The following NUP210 variants were observed in gnomAD, a reference collection of about 807,000 sequenced individuals.
NUP210 encodes the protein nucleoporin 210, also known as nuclear pore membrane glycoprotein 210.
A neutral mutation model predicts 196.0 loss-of-function variants in NUP210; 151 were observed. The ratio of observed to expected loss-of-function variants is 0.77; its 90% confidence interval spans 0.67 to 0.88. The LOEUF (loss-of-function observed/expected upper bound fraction) is 0.88, where lower values mean the gene tolerates loss of function less well. Ranked by LOEUF, NUP210 falls within the 40% of genes least tolerant of loss-of-function variation. NUP210 has a pLI of 0.00. For missense variants in NUP210, 2,314 were observed against 2,493.7 expected (o/e 0.93, Z 1.53); for synonymous variants, 1,070 against 1,052.7 (o/e 1.02, Z -0.32).
chr3:13,318,753 C>T lies in NUP210; in HGVS notation c.5563+319G>A, dbSNP rs573113421. On this transcript the variant is annotated intron_variant, in intron 39 of 39. Transcript: ENST00000254508. ...CCCATCTGTGAGTCAGCTCGTCCAA[C>T]CCCAGCTTAGAGCCTTCTGAGGCAG... Among the ~76,000 whole-genome samples, 4 of 152,334 alleles carry T rather than the reference C, an allele frequency of 2.6e-5. No homozygotes were observed. In the East Asian group the frequency reaches 5.8e-4, roughly 22 times the overall value.
chr3:13,332,195 C>A (rs1463950405), intron 29 of NUP210, 98 bp downstream of exon 29: 1 of 981,712 alleles, frequency 1.0e-6, no homozygotes, highest in Non-Finnish European at 1.6e-6. Context: ...GAAAACCTCC[C>A]TGAAAGTACC....
intron 20 of NUP210, 29 bp from the exon 21 acceptor site, chr3:13,343,332 T>TGGGGGGGGGG: frequency 9.3e-6 from 2 of 214,662 alleles, no homozygotes; most frequent in Non-Finnish European, 1.8e-5. Context: ...GGTGGAGGGG[T>TGGGGGGGGGG]GGGTGGTGGG....
intron 1 of NUP210, among the ~76,000 whole-genome samples, chr3:13,409,858 A>G (rs1700109794): frequency 6.8e-6 from 1 of 147,600 alleles, no homozygotes; most frequent in African/African-American, 2.5e-5. Context: ...TTTTTTGGAG[A>G]CGGAGTCTCG....
Position 13,317,535 on chromosome 3 carries a change from T to C in NUP210, c.*146A>G, listed in dbSNP as rs1576333001. ...ATGGGCAGAGCCGAAACTACAGCTC[T>C]GTGTGAAGAGACGGCAGTGAAGCTG... On this transcript the variant is annotated 3_prime_UTR_variant, in exon 40 of 40. Transcript: ENST00000254508. 1.5e-6 allele frequency: 1 copy of C among 664,566 alleles called. No homozygotes were observed. Among genetic ancestry groups the C allele is most frequent in the South Asian group, 1.7e-5 (1 of 59,196 alleles). The allele number at this position is 664,566 out of a possible 1,614,324, so 41.2% of individuals were successfully genotyped here. A position where few individuals can be genotyped will look rare whatever the true frequency, so the allele number is the denominator to read the frequency against.
At chr3:13,332,736 C>A (rs1227418865) in intron 28 of NUP210, among the ~76,000 whole-genome samples, 1 of 107,730 alleles carries the variant, frequency 9.3e-6, no homozygotes, top group East Asian at 2.2e-4. Context: ...CACACACACA[C>A]ACACACATGG....
At chr3:13,353,712 C>G (rs1698063885) in intron 17 of NUP210, 52 bp from the exon 18 acceptor site, 1 of 1,484,736 alleles carries the variant, frequency 6.7e-7, no homozygotes, top group African/African-American at 1.4e-5. Flanking sequence ...ATCACCACCC[C>G]TGAAGCAGCC....
intron 13 of NUP210, among the ~76,000 whole-genome samples, chr3:13,368,157 C>T (rs1698604837): frequency 6.6e-6 from 1 of 152,108 alleles, no homozygotes; most frequent in South Asian, 2.1e-4. Context: ...CTCACTGCAA[C>T]CTCCACCTCC....
Position 13,371,910 on chromosome 3 carries a change from C to T in NUP210, c.1710G>A (p.Val570=). The change falls in exon 13 of 40, where the codon GTG becomes GTA. Residue 570 remains valine, a synonymous_variant. Coordinates refer to ENST00000254508, the MANE Select transcript of NUP210 (RefSeq NM_024923.4). ...SGLMPGGASE[V]VTLSDCSHFD... ...AGTGGGAGCAGTCGCTCAAGGTGACCACCTCACTGGCCCCGCCGGGCATGA... is the reference window on the plus strand; with the variant it reads ...AGTGGGAGCAGTCGCTCAAGGTGACTACCTCACTGGCCCCGCCGGGCATGA... The T allele has an allele frequency of 6.2e-7, 1 of 1,609,794 alleles. No homozygotes were observed. Among genetic ancestry groups the T allele is most frequent in the South Asian group, 1.1e-5 (1 of 90,082 alleles).
At chr3:13,419,018 G>T (rs1700444767) in intron 1 of NUP210, among the ~76,000 whole-genome samples, 1 of 151,252 alleles carries the variant, frequency 6.6e-6, no homozygotes, top group Non-Finnish European at 1.5e-5. Flanking sequence ...AGAGAAAGCT[G>T]GCTGGTCTGA....
intron 27 of NUP210, 93 bp from the exon 28 acceptor site, chr3:13,335,705 C>A (rs981514401): frequency 1.2e-5 from 16 of 1,383,796 alleles, no homozygotes; most frequent in East Asian, 2.4e-5. Flanking sequence ...GACCCCCCAG[C>A]CCCCCAGTCC....
chr3:13,404,949 G>T (rs1576424427), intron 1 of NUP210, among the ~76,000 whole-genome samples: 1 of 152,208 alleles, frequency 6.6e-6, no homozygotes, highest in African/African-American at 2.4e-5. Context: ...AAGAGAGACA[G>T]GGAGTGCAGG....
chr3:13,343,336 T>TGTGGG, intron 20 of NUP210, 33 bp from the exon 21 acceptor site: 2 of 260,406 alleles, frequency 7.7e-6, no homozygotes, highest in Non-Finnish European at 1.4e-5. Context: ...GAGGGGTGGG[T>TGTGGG]GGTGGGTTAC....
At chr3:13,391,031 G>A (rs1008016207) in intron 4 of NUP210, among the ~76,000 whole-genome samples, 180 bp downstream of exon 4, 4 of 152,192 alleles carry the variant, frequency 2.6e-5, no homozygotes, top group East Asian at 1.9e-4. Context: ...CCAGGCTCCC[G>A]CACAATGGTG....
In NUP210 at chr3:13,341,770, T is replaced by A; in HGVS notation, c.3206A>T (p.Asn1069Ile). 6.2e-7 allele frequency: 1 copy of A among 1,614,206 alleles called. No homozygotes were observed. Among genetic ancestry groups the A allele is most frequent in the Non-Finnish European group, 8.5e-7 (1 of 1,180,040 alleles). Residue 1069 changes from asparagine (N) to isoleucine (I), a missense_variant, in exon 23 of 40, where the codon AAC becomes ATC. Physicochemically the swap from Asn to Ile is moderately radical, Grantham distance 149. Coordinates refer to ENST00000254508, the MANE Select transcript of NUP210 (RefSeq NM_024923.4). ...TACTTCAATCTGTTGTGGGGCTGAGTTGATTCTCTGTCCAGCTTTATTGGT... is the reference window on the plus strand; with the variant it reads ...TACTTCAATCTGTTGTGGGGCTGAGATGATTCTCTGTCCAGCTTTATTGGT... ...SVTNKAGQRI[N>I]SAPQQIEVFP...
At position 13,319,985 on chromosome 3, in the gene NUP210, A is replaced by T; in HGVS notation, c.5167-6T>A. The T allele has an allele frequency of 6.2e-7, 1 of 1,612,846 alleles. No homozygotes were observed. Reference sequence around the variant, plus strand: ...GCCGGGGACCCGGATTTCACCTGGAAGAGACATCAGAGCTGGGGGTGCACA... The same window carrying T: ...GCCGGGGACCCGGATTTCACCTGGATGAGACATCAGAGCTGGGGGTGCACA... On this transcript the variant is annotated splice_region_variant and splice_polypyrimidine_tract_variant and intron_variant, in intron 36 of 39. Transcript: ENST00000254508.
At chr3:13,355,378 T>C (rs116642498) in intron 16 of NUP210, among the ~76,000 whole-genome samples, 345 of 152,354 alleles carry the variant, frequency 2.3e-3, no homozygotes, top group African/African-American at 7.9e-3. Flanking sequence ...CTCTCCACAG[T>C]GGCACCTGCC....
chr3:13,352,193 C>T lies in NUP210; in HGVS notation c.2629-9G>A. 6.3e-7 allele frequency: 1 copy of T among 1,599,350 alleles called. No individual in the cohort carries two copies. The highest frequency in any genetic ancestry group is 8.6e-7 in the Non-Finnish European group (1 of 1,167,688). ...GGCACCAGAGGGTCATGCTGAAGGA[C>T]AAGGGCAAGGCCATTAGATCCAGGA... On this transcript the variant is annotated splice_polypyrimidine_tract_variant and intron_variant, in intron 18 of 39. Transcript: ENST00000254508.
At chr3:13,339,556 T>C (rs112818713) in intron 25 of NUP210, among the ~76,000 whole-genome samples, 2,066 of 152,310 alleles carry the variant, frequency 0.014, 31 homozygotes, top group Non-Finnish European at 0.022. Context: ...TTCACCATGA[T>C]TGCCATCATC....
At position 13,323,821 on chromosome 3, in the gene NUP210, C is replaced by A. The variant is rs1374444554; in HGVS notation, c.4645-389G>T. On this transcript the variant is annotated intron_variant, in intron 33 of 39. Coordinates refer to ENST00000254508, the MANE Select transcript of NUP210 (RefSeq NM_024923.4). This position sits in a 1 kb window ranked among gnomAD's most constrained non-coding sequence, Gnocchi z 4.3. ...TGCCCAGATTTTCCCAGCTGTTCCC[C>A]CTGTGCCCATCCTGTACCTGGCCAC... Among the ~76,000 whole-genome samples the A allele has an allele frequency of 6.6e-6, 1 of 152,170 alleles. No individual in the cohort carries two copies. Among genetic ancestry groups the A allele is most frequent in the Non-Finnish European group, 1.5e-5 (1 of 68,026 alleles).
Sources: allele counts gnomAD v4.1 joint callset (sites outside exome capture counted in the v4.1 genomes callset), GRCh38; gene constraint gnomAD v4.1.1; non-coding constraint Gnocchi (gnomAD v3.1); transcripts MANE v1.5; gene names NCBI Gene and HGNC (gene_info 2026-07-23, HGNC 2026-07-21).